The following RDX variants were observed in gnomAD, a reference collection of about 807,000 sequenced individuals.
RDX encodes deafness, autosomal recessive 24.
RDX carries 32 observed loss-of-function variants against 83.7 expected under a neutral mutation model. The observed-to-expected ratio is 0.38, with a 90% confidence interval of 0.29 to 0.51. The LOEUF is 0.51. RDX is among the 20% of genes least tolerant of loss of function. RDX has a pLI of 0.87. For synonymous variants in RDX, 229 were observed against 222.7 expected, an observed-to-expected ratio of 1.03 and a Z score of -0.25; for missense variants, 600 against 689.9, an observed-to-expected ratio of 0.87 and a Z score of 1.46.
chr11:110,206,513 T>G (rs1173620506), intron 14 of RDX, among the ~76,000 whole-genome samples: 2 of 152,128 alleles, frequency 1.3e-5, no homozygotes, highest in Admixed American at 6.5e-5. Context: ...CAAACACAGA[T>G]AGTAAAAGCT....
At position 110,279,490 on chromosome 11, in the gene RDX, C is replaced by T. The variant is rs74538492; in HGVS notation, c.12+191G>A. On this transcript the variant is annotated intron_variant, in intron 2 of 13. Coordinates refer to ENST00000645495, the MANE Select transcript of RDX (RefSeq NM_002906.4). ...GCAGTGAGCCGACATGGTCCCACTG[C>T]GCTCCAGCCTGGGCAACAGAGCAAC... Among the ~76,000 whole-genome samples the T allele has an allele frequency of 0.038, 5,849 of 152,226 alleles. 375 individuals carry two copies. Among genetic ancestry groups the T allele is most frequent in the African/African-American group, 0.13 (5,511 of 41,508 alleles).
chr11:110,185,382 C>A (rs888032986), intron 15 of RDX: 2 of 152,240 alleles, frequency 1.3e-5, no homozygotes, highest in Non-Finnish European at 2.9e-5. Flanking sequence ...ACATTGGGTT[C>A]TTCTGGAGTT....
intron 15 of RDX, among the ~76,000 whole-genome samples, chr11:110,198,084 A>T (rs1863265550): frequency 6.6e-6 from 1 of 152,214 alleles, no homozygotes; most frequent in Non-Finnish European, 1.5e-5. Context: ...CACATAAATA[A>T]GTCTAAAACA....
intron 15 of RDX, among the ~76,000 whole-genome samples, chr11:110,197,944 T>C (rs1247644350): frequency 6.6e-6 from 1 of 152,200 alleles, no homozygotes; most frequent in Non-Finnish European, 1.5e-5. Context: ...TTTGGTAGTG[T>C]CATGAAATAT....
At chr11:110,271,213 T>C (rs1410349425) in intron 3 of RDX, among the ~76,000 whole-genome samples, 3 of 152,232 alleles carry the variant, frequency 2.0e-5, no homozygotes, top group Non-Finnish European at 4.4e-5. Flanking sequence ...TAAACAACTT[T>C]AGAGAATTTA....
At chr11:110,212,525 A>ACG in intron 14 of RDX, among the ~76,000 whole-genome samples, 1 of 52,318 alleles carries the variant, frequency 1.9e-5, no homozygotes, top group South Asian at 7.3e-4. Flanking sequence ...GGGCAGAGAC[A>ACG]CAACCAAAAA....
intron 1 of RDX, among the ~76,000 whole-genome samples, chr11:110,280,490 C>T (rs1860714572): frequency 6.6e-6 from 1 of 152,258 alleles, no homozygotes; most frequent in Admixed American, 6.5e-5. Flanking sequence ...CTCAAGCAAT[C>T]CTCCCAACTG....
intron 14 of RDX, among the ~76,000 whole-genome samples, chr11:110,209,525 C>T (rs1044057768): frequency 3.3e-5 from 5 of 152,220 alleles, no homozygotes; most frequent in Non-Finnish European, 7.3e-5. Flanking sequence ...TAGGCAGCAC[C>T]CTGGGGGCAG....
chr11:110,211,911 C>T (rs1455132084), intron 14 of RDX, among the ~76,000 whole-genome samples: 2 of 147,990 alleles, frequency 1.4e-5, no homozygotes, highest in Non-Finnish European at 3.0e-5. Flanking sequence ...ACCCTAACAT[C>T]ACAATTAAAA....
chr11:110,238,999 G>C (rs896812393), intron 10 of RDX, among the ~76,000 whole-genome samples: 1 of 151,222 alleles, frequency 6.6e-6, no homozygotes, highest in Non-Finnish European at 1.5e-5. Flanking sequence ...TCTTTGGTTA[G>C]GCTTTGGTTA....
chr11:110,292,284 C>A (rs1254893443), intron 1 of RDX, among the ~76,000 whole-genome samples: 1 of 150,246 alleles, frequency 6.7e-6, no homozygotes, highest in Non-Finnish European at 1.5e-5. Flanking sequence ...CAGAGCGAGA[C>A]CCTGTCTTGG....
intron 7 of RDX, among the ~76,000 whole-genome samples, chr11:110,256,864 T>C (rs1260905933): frequency 2.6e-5 from 4 of 152,210 alleles, no homozygotes; most frequent in Non-Finnish European, 5.9e-5. Flanking sequence ...TGCTCTTGTT[T>C]GGAATCACAT....
chr11:110,296,308 G>A (rs1861456928), intron 1 of RDX, among the ~76,000 whole-genome samples, 159 bp downstream of exon 1: 1 of 151,954 alleles, frequency 6.6e-6, no homozygotes, highest in Non-Finnish European at 1.5e-5. Flanking sequence ...CGTTACCACA[G>A]TGGCGCCTCG....
intron 14 of RDX, among the ~76,000 whole-genome samples, chr11:110,221,537 G>A (rs754210098): frequency 2.7e-5 from 4 of 150,766 alleles, no homozygotes; most frequent in Admixed American, 2.0e-4. Flanking sequence ...GGTGGAAGCT[G>A]CAGTGAGCCA....
chr11:110,198,308 CT>C (rs1314443227), intron 15 of RDX, among the ~76,000 whole-genome samples: 2 of 151,514 alleles, frequency 1.3e-5, no homozygotes, highest in African/African-American at 2.4e-5. Flanking sequence ...ATTTAAAAAC[CT>C]GTTATCATGG....
intron 1 of RDX, among the ~76,000 whole-genome samples, chr11:110,280,180 T>C (rs952541939): frequency 6.6e-6 from 1 of 152,170 alleles, no homozygotes; most frequent in Non-Finnish European, 1.5e-5. Flanking sequence ...TTTTTTTCTG[T>C]ACTGCCAAAA....
intron 3 of RDX, among the ~76,000 whole-genome samples, chr11:110,270,260 G>A (rs1006273654): frequency 3.3e-5 from 5 of 152,070 alleles, no homozygotes; most frequent in Admixed American, 3.3e-4. Context: ...TACACACCTA[G>A]ACTATATGGT....
chr11:110,271,702 A>C (rs1860318629), intron 3 of RDX, among the ~76,000 whole-genome samples: 1 of 152,136 alleles, frequency 6.6e-6, no homozygotes, highest in Non-Finnish European at 1.5e-5. Context: ...CTCAAGACTG[A>C]GAAGAAAGAT....
intron 14 of RDX, among the ~76,000 whole-genome samples, chr11:110,219,965 A>G (rs1864188916): frequency 6.6e-6 from 1 of 152,192 alleles, no homozygotes; most frequent in Non-Finnish European, 1.5e-5. Context: ...GCACACTATA[A>G]TATGAAGGGG....
Sources: allele counts gnomAD v4.1 joint callset (sites outside exome capture counted in the v4.1 genomes callset), GRCh38; gene constraint gnomAD v4.1.1; transcripts MANE v1.5; gene names NCBI Gene and HGNC (gene_info 2026-07-23, HGNC 2026-07-21).